Variants in PODXL2 observed in about 807,000 individuals in gnomAD.
PODXL2 encodes the protein podocalyxin like 2.
A neutral mutation model predicts 53.4 loss-of-function variants in PODXL2; 17 were observed. The ratio of observed to expected loss-of-function variants is 0.32; its 90% CI spans 0.22 to 0.48. The LOEUF (loss-of-function observed/expected upper bound fraction) is 0.48, where lower values mean the gene tolerates loss of function less well. Among genes scored for constraint, PODXL2 ranks in the 20% least tolerant of loss-of-function variants. The pLI, the probability that PODXL2 is intolerant of heterozygous loss-of-function variation, is 0.99. For synonymous variants in PODXL2, 311 were observed against 306.7 expected (o/e 1.01, Z -0.15); for missense variants, 673 against 760.0 (o/e 0.89, Z 1.35).
chr3:127,657,079 G>A (rs1169688043), intron 2 of PODXL2, among the ~76,000 whole-genome samples: 5 of 152,128 alleles, frequency 3.3e-5, no homozygotes, highest in East Asian at 1.9e-4. Context: ...GAAGTTGGAG[G>A]GACTTACCAC....
Position 127,662,264 on chromosome 3 carries a change from G to T in PODXL2, c.1159G>T (p.Ala387Ser), listed in dbSNP as rs1197045958. 1 of 1,613,946 alleles carries T rather than the reference G, an allele frequency of 6.2e-7. No homozygotes were observed. Among genetic ancestry groups the T allele is most frequent in the Non-Finnish European group, 8.5e-7 (1 of 1,179,984 alleles). ...QVICKDWSNLAGKNYIILNMT... is the reference protein window; with the variant it reads ...QVICKDWSNLSGKNYIILNMT... ...GATCTGCAAGGACTGGAGCAATCTG[G>T]CTGGGAAAAACTACATCATTCTGAA... Residue 387 changes from alanine (A) to serine (S), a missense_variant, in exon 4 of 8, where the codon GCT becomes TCT. This residue lies in a region of PODXL2 where 588 missense variants were observed against 668.3 expected (regional missense o/e 0.88). Coordinates refer to ENST00000342480, the MANE Select transcript of PODXL2 (RefSeq NM_015720.4).
At chr3:127,665,979 T>C (rs2074793336) in intron 4 of PODXL2, 1 of 462,666 alleles carries the variant, frequency 2.2e-6, no homozygotes, top group African/African-American at 2.0e-5. Flanking sequence ...GGGGTGTCAC[T>C]GCTTCTAGGC....
At chr3:127,658,756 G>A (rs1262025163) in intron 2 of PODXL2, among the ~76,000 whole-genome samples, 2 of 152,094 alleles carry the variant, frequency 1.3e-5, no homozygotes, top group East Asian at 3.8e-4. Flanking sequence ...AATGAGGCTA[G>A]GTGTAAGTCT....
intron 2 of PODXL2, among the ~76,000 whole-genome samples, chr3:127,640,855 A>T (rs1317892597): frequency 6.6e-6 from 1 of 152,172 alleles, no homozygotes; most frequent in African/African-American, 2.4e-5. Flanking sequence ...AAAATATTTC[A>T]TAAGTATATT....
intron 1 of PODXL2, among the ~76,000 whole-genome samples, chr3:127,636,491 C>T (rs930261673): frequency 1.3e-5 from 2 of 152,224 alleles, no homozygotes; most frequent in African/African-American, 4.8e-5. Context: ...AATTGATTGT[C>T]TTGGCTTTCT....
In PODXL2 at chr3:127,659,011, A is replaced by T. The variant is rs185619470; in HGVS notation, c.350-1367A>T. ...CTTTTTTTTTTCCCAGCCATTAAAA[A>T]TTTGAATTTTCAATCCGTTGAATTT... On this transcript the variant is annotated intron_variant, in intron 2 of 7. Transcript: ENST00000342480. 3.4e-4 allele frequency among the ~76,000 whole-genome samples: 52 copies of T among 152,190 alleles called. 1 individual carries two copies. In the East Asian group the frequency reaches 9.1e-3, roughly 27 times the overall value.
intron 1 of PODXL2, among the ~76,000 whole-genome samples, chr3:127,636,187 A>G (rs988047299): frequency 6.6e-6 from 1 of 152,226 alleles, no homozygotes; most frequent in Non-Finnish European, 1.5e-5. Flanking sequence ...GATGTGTGTT[A>G]TTAATTGGGA....
intron 6 of PODXL2, 77 bp downstream of exon 6, chr3:127,669,279 C>T: frequency 9.9e-7 from 1 of 1,013,034 alleles, no homozygotes; most frequent in Non-Finnish European, 1.5e-6. Context: ...TCCCAGGAGT[C>T]TGCCCACATC....
At chr3:127,637,804 A>G (rs1297827815) in intron 1 of PODXL2, among the ~76,000 whole-genome samples, 1 of 152,206 alleles carries the variant, frequency 6.6e-6, no homozygotes, top group East Asian at 1.9e-4. Flanking sequence ...CACAGTGTGC[A>G]CAGACTCCCT....
chr3:127,672,136 A>G (rs2074850137), intron 7 of PODXL2, 132 bp from the exon 8 acceptor site: 4 of 655,944 alleles, frequency 6.1e-6, no homozygotes, highest in Non-Finnish European at 1.1e-5. Flanking sequence ...CTGCAGCAAC[A>G]GAAAAGAAGG....
At chr3:127,652,805 G>A (rs1199982734) in intron 2 of PODXL2, among the ~76,000 whole-genome samples, 2 of 152,084 alleles carry the variant, frequency 1.3e-5, no homozygotes, top group African/African-American at 2.4e-5. Flanking sequence ...TGAGCCTGAA[G>A]TGGATGGGGT....
rs899671094 is a variant in PODXL2 at position 127,672,552 on chromosome 3, G to T, written c.*72G>T. ...TGGACCCCGAAACGGACGGCCCGGAGCCCGCACCAGCCCCGCGCCTACCCG... is the reference window on the plus strand; with the variant it reads ...TGGACCCCGAAACGGACGGCCCGGATCCCGCACCAGCCCCGCGCCTACCCG... On this transcript the variant is annotated 3_prime_UTR_variant, in exon 8 of 8. Transcript: ENST00000342480. 3.0e-6 allele frequency: 3 copies of T among 994,864 alleles called. No homozygotes were observed. Among genetic ancestry groups the T allele is most frequent in the Non-Finnish European group, 4.2e-6 (3 of 721,708 alleles). 61.6% of individuals were successfully genotyped at this position (994,864 alleles called of 1,614,324 possible). A position where few individuals can be genotyped will look rare whatever the true frequency, so the allele number is the denominator to read the frequency against.
intron 2 of PODXL2, among the ~76,000 whole-genome samples, chr3:127,641,356 T>C (rs1038097770): frequency 9.2e-5 from 14 of 152,108 alleles, no homozygotes; most frequent in African/African-American, 3.4e-4. Context: ...ACCAAAAATG[T>C]GCCACCATGC....
At chr3:127,670,073 T>C (rs1030404826) in intron 6 of PODXL2, among the ~76,000 whole-genome samples, 1 of 152,198 alleles carries the variant, frequency 6.6e-6, no homozygotes, top group Non-Finnish European at 1.5e-5. Flanking sequence ...GCAGAGGCCC[T>C]GGTGGTGGTG....
At chr3:127,640,507 C>A (rs2074609069) in intron 2 of PODXL2, among the ~76,000 whole-genome samples, 1 of 151,936 alleles carries the variant, frequency 6.6e-6, no homozygotes, top group Admixed American at 6.6e-5. Context: ...TTGAGAACAG[C>A]CTGGCCAACA....
intron 2 of PODXL2, among the ~76,000 whole-genome samples, chr3:127,658,045 A>C (rs1224429729): frequency 6.6e-6 from 1 of 152,116 alleles, no homozygotes; most frequent in Non-Finnish European, 1.5e-5. Flanking sequence ...ATGTCTTGTG[A>C]ATCTTGGTTG....
intron 2 of PODXL2, among the ~76,000 whole-genome samples, chr3:127,651,946 A>C (rs1363549006): frequency 6.6e-6 from 1 of 152,220 alleles, no homozygotes; most frequent in Non-Finnish European, 1.5e-5. Context: ...TCTTAACGCC[A>C]GCCACTCTTG....
At chr3:127,658,971 G>A (rs2074744040) in intron 2 of PODXL2, among the ~76,000 whole-genome samples, 1 of 151,456 alleles carries the variant, frequency 6.6e-6, no homozygotes, top group Non-Finnish European at 1.5e-5. Context: ...TTTTGCCCTA[G>A]AGGCTTTTCC....
intron 2 of PODXL2, among the ~76,000 whole-genome samples, chr3:127,643,598 T>C (rs1055361162): frequency 1.3e-5 from 2 of 152,188 alleles, no homozygotes; most frequent in Non-Finnish European, 2.9e-5. Context: ...TGCACCTTTC[T>C]TCCTTCTATT....
Sources: allele counts gnomAD v4.1 joint callset (sites outside exome capture counted in the v4.1 genomes callset), GRCh38; gene constraint gnomAD v4.1.1; regional missense constraint gnomAD v4.1.1; transcripts MANE v1.5; gene names NCBI Gene and HGNC (gene_info 2026-07-23, HGNC 2026-07-21).